The following ARHGEF3 variants were observed in gnomAD, a reference collection of about 807,000 sequenced individuals.
The protein encoded by ARHGEF3 is 59.8 kDA protein.
ARHGEF3 carries 28 observed loss-of-function variants against 63.2 expected under a neutral mutation model. The observed-to-expected ratio is 0.44, with a 90% confidence interval of 0.33 to 0.61. The LOEUF (loss-of-function observed/expected upper bound fraction) is 0.61. ARHGEF3 is among the 20% of genes least tolerant of loss of function. The pLI, the probability that ARHGEF3 is intolerant of heterozygous loss-of-function variation, is 0.03. For synonymous variants in ARHGEF3, 266 were observed against 254.2 expected, an observed-to-expected ratio of 1.05 and a Z score of -0.44; for missense variants, 533 against 659.3, an observed-to-expected ratio of 0.81 and a Z score of 2.10.
At chr3:56,846,297 T>C (rs144257791) in intron 4 of ARHGEF3, among the ~76,000 whole-genome samples, 5 of 152,122 alleles carry the variant, frequency 3.3e-5, no homozygotes, top group African/African-American at 1.2e-4. Context: ...ATGTAGAAAT[T>C]AGAAAATGGG....
At chr3:57,015,038 CCAA>C (rs1330073920) in intron 2 of ARHGEF3, among the ~76,000 whole-genome samples, 1 of 151,558 alleles carries the variant, frequency 6.6e-6, no homozygotes, top group African/African-American at 2.4e-5. Context: ...CAAAAGTCTG[CCAA>C]CAACCTGAAA....
At chr3:57,036,565 G>C (rs1703970669) in intron 1 of ARHGEF3, among the ~76,000 whole-genome samples, 1 of 152,162 alleles carries the variant, frequency 6.6e-6, no homozygotes, top group Non-Finnish European at 1.5e-5. Context: ...ACCACTCTGG[G>C]TGTGGTTGAG....
In ARHGEF3 at chr3:56,912,892, C is replaced by G. The variant is rs144989496; in HGVS notation, c.130-30538G>C. 8.5e-4 allele frequency among the ~76,000 whole-genome samples: 130 copies of G among 152,308 alleles called. No homozygotes were observed. The East Asian group carries it at 0.019, about 22-fold the overall frequency. On this transcript the variant is annotated intron_variant, in intron 3 of 12. Transcript: ENST00000338458. ...GTGGCCTGCGTCTATAATCCTAGCA[C>G]TTTGGAAGGCCAAGGTGGGATGATC...
intron 7 of ARHGEF3, among the ~76,000 whole-genome samples, chr3:56,740,265 T>C (rs912607774): frequency 1.0e-5 from 1 of 98,216 alleles, no homozygotes; most frequent in Admixed American, 1.1e-4. Flanking sequence ...CTCACTACTT[T>C]GATTTAAAAA....
At chr3:57,013,994 G>T (rs901344765) in intron 2 of ARHGEF3, among the ~76,000 whole-genome samples, 1 of 152,172 alleles carries the variant, frequency 6.6e-6, no homozygotes, top group Admixed American at 6.5e-5. Context: ...TCTTGCTGCT[G>T]CTCACTCTTT....
intron 3 of ARHGEF3, among the ~76,000 whole-genome samples, chr3:56,884,601 G>C (rs561209010): frequency 6.6e-6 from 1 of 152,340 alleles, no homozygotes; most frequent in Non-Finnish European, 1.5e-5. Context: ...AGGGTGCCCA[G>C]GAATCTGGAT....
In ARHGEF3 at chr3:56,849,361, CGT is replaced by C. The variant is rs564157812; in HGVS notation, c.192+32929_192+32930del. ...CAGGTAAATATATATACAATCTGTA[CGT>C]ATATTGACACACAGCTTAGTGATAG... On this transcript the variant is annotated intron_variant, in intron 4 of 12. Transcript: ENST00000338458. Among the ~76,000 whole-genome samples the C allele has an allele frequency of 1.9e-3, 285 of 152,144 alleles. 1 individual carries two copies. The highest frequency in any genetic ancestry group is 6.8e-3 in the Middle Eastern group (2 of 294).
At chr3:56,792,664 C>T (rs1279684819) in intron 1 of ARHGEF3, among the ~76,000 whole-genome samples, 3 of 152,064 alleles carry the variant, frequency 2.0e-5, no homozygotes, top group Non-Finnish European at 4.4e-5. Flanking sequence ...GTAAAATGCA[C>T]GAATACAAAG....
intron 1 of ARHGEF3, among the ~76,000 whole-genome samples, chr3:57,047,234 G>T (rs1374658765): frequency 6.6e-6 from 1 of 152,214 alleles, no homozygotes; most frequent in Non-Finnish European, 1.5e-5. Context: ...TGGAATCCCA[G>T]CTACTCAGGA....
chr3:56,869,345 T>C (rs571216079), intron 4 of ARHGEF3, among the ~76,000 whole-genome samples: 2 of 152,346 alleles, frequency 1.3e-5, no homozygotes, highest in South Asian at 4.1e-4. Flanking sequence ...ATGAATGTTA[T>C]GCTTATAGAG....
chr3:56,935,784 T>C (rs956869497), intron 3 of ARHGEF3, among the ~76,000 whole-genome samples: 3 of 152,250 alleles, frequency 2.0e-5, no homozygotes, highest in Non-Finnish European at 4.4e-5. Context: ...GGTCCGTGGC[T>C]TCATTCTTGA....
intron 4 of ARHGEF3, among the ~76,000 whole-genome samples, chr3:56,810,318 CAGATCATTTGAGCCCAGGAGT>C (rs2038019139): frequency 6.6e-6 from 1 of 152,084 alleles, no homozygotes; most frequent in Non-Finnish European, 1.5e-5. Flanking sequence ...CTGAGGCGGG[CAGATCATTTGAGCCCAGGAGT>C]TGGAGACCAG....
chr3:56,833,914 GT>G (rs199540364), intron 4 of ARHGEF3, among the ~76,000 whole-genome samples: 13 of 125,130 alleles, frequency 1.0e-4, no homozygotes, highest in East Asian at 4.7e-4. Flanking sequence ...AATATTCTTT[GT>G]TTTCCCCCCC....
chr3:56,888,900 T>C (rs2041017022), intron 3 of ARHGEF3, among the ~76,000 whole-genome samples: 2 of 139,836 alleles, frequency 1.4e-5, no homozygotes, highest in South Asian at 4.6e-4. Flanking sequence ...CGAAACTCCA[T>C]CTCAAAAAAA....
intron 4 of ARHGEF3, among the ~76,000 whole-genome samples, chr3:56,839,499 T>C (rs1240087360): frequency 6.6e-6 from 1 of 152,228 alleles, no homozygotes; most frequent in African/African-American, 2.4e-5. Context: ...ACAGATACAC[T>C]GTGTTATGTA....
At chr3:56,828,182 C>T (rs1334846776) in intron 4 of ARHGEF3, among the ~76,000 whole-genome samples, 1 of 152,052 alleles carries the variant, frequency 6.6e-6, no homozygotes, top group Non-Finnish European at 1.5e-5. Context: ...ACTTGCTTAT[C>T]GTGGCAGCTA....
intron 1 of ARHGEF3, among the ~76,000 whole-genome samples, chr3:56,778,075 G>T (rs139879031): frequency 2.3e-4 from 35 of 152,158 alleles, no homozygotes; most frequent in African/African-American, 8.0e-4. Context: ...CTTCTAGGTG[G>T]CTTTCATTGT....
chr3:57,075,720 G>A (rs1448144393), intron 1 of ARHGEF3, among the ~76,000 whole-genome samples: 1 of 152,142 alleles, frequency 6.6e-6, no homozygotes, highest in African/African-American at 2.4e-5. Flanking sequence ...TGAGGTGGGA[G>A]GATTGCTTGA....
chr3:56,845,078 C>T (rs534556838), intron 4 of ARHGEF3, among the ~76,000 whole-genome samples: 3 of 152,280 alleles, frequency 2.0e-5, no homozygotes, highest in African/African-American at 7.2e-5. Context: ...CTGAAGGTGG[C>T]CTCCAGCCAA....
Sources: gnomAD v4.1 joint callset for allele counts (sites outside exome capture counted in the v4.1 genomes callset) on GRCh38, gnomAD v4.1.1 for gene constraint, MANE v1.5 for transcripts, NCBI Gene and HGNC (gene_info 2026-07-23, HGNC 2026-07-21) for gene names.